The following PPP2R3B variants were observed in gnomAD, a reference collection of about 807,000 sequenced individuals.
PPP2R3B encodes the protein protein phosphatase 2 regulatory subunit B''beta, also known as serine/threonine-protein phosphatase 2A regulatory subunit B'' subunit beta.
PPP2R3B carries 68 observed loss-of-function variants against 72.9 expected under a neutral mutation model. The observed-to-expected ratio is 0.93, with a 90% CI of 0.77 to 1.14. The LOEUF is 1.14. Among genes scored for constraint, PPP2R3B ranks in the 50% most tolerant of loss-of-function variants. PPP2R3B has a pLI of 0.00. For synonymous variants in PPP2R3B, 466 were observed against 375.8 expected (o/e 1.24, Z -2.78); for missense variants, 1,018 against 842.0 (o/e 1.21, Z -2.59).
Position 338,834 on chromosome X carries a change from A to AG in PPP2R3B, c.1413dup (p.Phe472LeufsTer22). 6.2e-7 allele frequency: 1 copy of AG among 1,612,356 alleles called. No individual in the cohort carries two copies. The highest frequency in any genetic ancestry group is 8.5e-7 in the Non-Finnish European group (1 of 1,179,626). On this transcript the variant is annotated frameshift_variant, in exon 11 of 13. Transcript: ENST00000390665. LOFTEE classifies it high-confidence loss of function. The stretch of plus-strand genomic sequence containing the variant: ...TGGTCGAGGTACTTCTCGATGTTGA[A>AG]GAAGGTGTCGAAGAAGACGTTAGCC...
chrX:369,788 G>T (rs2071816077), intron 1 of PPP2R3B, among the ~76,000 whole-genome samples: 1 of 152,228 alleles, frequency 6.6e-6, no homozygotes, highest in Admixed American at 6.5e-5. Context: ...GAGCAGCAGG[G>T]GGCCGGCGGA....
At chrX:340,380 G>A (rs1169789524) in intron 10 of PPP2R3B, among the ~76,000 whole-genome samples, 1 of 151,794 alleles carries the variant, frequency 6.6e-6, no homozygotes, top group African/African-American at 2.4e-5. Flanking sequence ...CTAGGCACCT[G>A]TGGTGCTGGC....
intron 2 of PPP2R3B, among the ~76,000 whole-genome samples, chrX:349,980 G>T (rs1367914975): frequency 6.6e-6 from 1 of 152,136 alleles, no homozygotes; most frequent in Admixed American, 6.5e-5. Flanking sequence ...TGCACCGAGG[G>T]CCTGTTGTTT....
chrX:383,858 A>AC (rs2072182710), intron 1 of PPP2R3B, among the ~76,000 whole-genome samples: 1 of 149,038 alleles, frequency 6.7e-6, no homozygotes, highest in Non-Finnish European at 1.5e-5. Flanking sequence ...AAAAAAAAAA[A>AC]AAAAAAAAAC....
chrX:367,375 T>C (rs1451433238), intron 1 of PPP2R3B, among the ~76,000 whole-genome samples: 1 of 151,252 alleles, frequency 6.6e-6, no homozygotes, highest in East Asian at 1.9e-4. Flanking sequence ...GGTTTGTGAG[T>C]TGGAGGAAAA....
intron 2 of PPP2R3B, among the ~76,000 whole-genome samples, chrX:357,571 A>G (rs1348047401): frequency 1.3e-5 from 2 of 152,250 alleles, no homozygotes; most frequent in African/African-American, 2.4e-5. Context: ...GTGTCTATGT[A>G]TGATGCAGAT....
intron 12 of PPP2R3B, chrX:336,767 A>T (rs6603203): frequency 1.3e-5 from 2 of 151,854 alleles, no homozygotes; most frequent in Non-Finnish European, 2.9e-5. Flanking sequence ...CACCGCTGAC[A>T]ACAGGAAAAC....
chrX:373,064 A>C (rs1010158235), intron 1 of PPP2R3B, among the ~76,000 whole-genome samples: 102 of 152,228 alleles, frequency 6.7e-4, no homozygotes, highest in Non-Finnish European at 1.4e-3. Context: ...TGGGTATTGC[A>C]ATAACGCCGG....
chrX:350,419 G>A (rs1309186516), intron 2 of PPP2R3B, among the ~76,000 whole-genome samples: 6 of 152,202 alleles, frequency 3.9e-5, no homozygotes, highest in Admixed American at 1.3e-4. Flanking sequence ...GTCAGCTACC[G>A]GCACGGTGAA....
chrX:346,210 G>T lies in PPP2R3B; in HGVS notation c.843C>A (p.Ile281=). The T allele has an allele frequency of 6.4e-7, 1 of 1,569,828 alleles. No individual in the cohort carries two copies. The highest frequency in any genetic ancestry group is 8.6e-7 in the Non-Finnish European group (1 of 1,159,508). Residue 281 remains isoleucine, a synonymous_variant, in exon 6 of 13, where the codon ATC becomes ATA. Transcript: ENST00000390665. The part of the protein sequence containing the change: ...YAVNRSWSGR[I]TCAELRRSSF... ...AGCTCCTCCGCAGCTCGGCGCAGGT[G>T]ATCCTGCCGGACCAGGACCGGTTCA... is the stretch of plus-strand genomic sequence containing the variant.
chrX:347,898 G>C, intron 2 of PPP2R3B: 1 of 551,328 alleles, frequency 1.8e-6, no homozygotes, highest in Admixed American at 3.7e-5. Context: ...GAGCGTGGGA[G>C]TGCCGGGCAC....
chrX:364,170 A>G (rs1388016608), intron 1 of PPP2R3B, among the ~76,000 whole-genome samples: 2 of 152,242 alleles, frequency 1.3e-5, no homozygotes, highest in Non-Finnish European at 2.9e-5. Flanking sequence ...CCTCCGGGGA[A>G]GCTCCCAGAA....
Position 353,837 on chromosome X carries a change from C to CGGGGCTCGCCCAGGGACCG in PPP2R3B, c.511-6163_511-6145dup, listed in dbSNP as rs1556162542. Among the ~76,000 whole-genome samples, 432 of 129,344 alleles carry CGGGGCTCGCCCAGGGACCG rather than the reference C, an allele frequency of 3.3e-3. 11 individuals carry two copies. Among genetic ancestry groups the CGGGGCTCGCCCAGGGACCG allele is most frequent in the Non-Finnish European group, 5.4e-3 (324 of 60,072 alleles). 84.9% of individuals were successfully genotyped at this position (129,344 alleles called of 152,430 possible). A position where few individuals can be genotyped will look rare whatever the true frequency, so the allele number is the denominator to read the frequency against. Reference sequence around the variant, plus strand: ...AAGGAGCAGGGGCTCGCCCAAAGACCGGGGCTCGCCCAGGGACCGGGGGCT... The same window carrying CGGGGCTCGCCCAGGGACCG: ...AAGGAGCAGGGGCTCGCCCAAAGACCGGGGCTCGCCCAGGGACCGGGGGCTCGCCCAGGGACCGGGGGCT... On this transcript the variant is annotated intron_variant, in intron 2 of 12. Transcript: ENST00000390665.
chrX:341,251 A>G, intron 9 of PPP2R3B, 56 bp downstream of exon 9: 2 of 1,587,938 alleles, frequency 1.3e-6, no homozygotes, highest in South Asian at 1.1e-5. Flanking sequence ...CACATGTCAC[A>G]TGGGCGGCTC....
At position 386,730 on chromosome X, in the gene PPP2R3B, C is replaced by T; in HGVS notation, c.-39G>A. The T allele has an allele frequency of 1.7e-6, 2 of 1,183,590 alleles. No individual in the cohort carries two copies. Among genetic ancestry groups the T allele is most frequent in the Non-Finnish European group, 2.1e-6 (2 of 955,758 alleles). 73.3% of individuals were successfully genotyped at this position (1,183,590 alleles called of 1,614,324 possible). ...CCCGCGGCGCCCCCGGACGCCCGCG[C>T]CCCGCCCCGCCCCGGGGGCTTCGGT... On this transcript the variant is annotated 5_prime_UTR_variant, in exon 1 of 13. Transcript: ENST00000390665.
chrX:344,174 CCAACGGGAGGCGGGAGTGAGACCTCAG>C (rs2124613526), intron 7 of PPP2R3B, among the ~76,000 whole-genome samples: 2 of 89,696 alleles, frequency 2.2e-5, no homozygotes, highest in African/African-American at 8.1e-5. Flanking sequence ...GGAGACCTCA[CCAACGGGAGGCGGGAGTGAGACCTCAG>C]CAACGGGAGG....
intron 12 of PPP2R3B, chrX:335,517 A>T (rs1189422674): frequency 6.6e-6 from 1 of 152,076 alleles, no homozygotes; most frequent in African/African-American, 2.4e-5. Context: ...CTGATGGGGG[A>T]GCAGGGGTTA....
At chrX:334,581 G>A (rs955545802) in intron 12 of PPP2R3B, 64 bp from the exon 13 acceptor site, 3 of 1,385,210 alleles carry the variant, frequency 2.2e-6, no homozygotes, top group Non-Finnish European at 2.8e-6. Context: ...CCGTTTTCCG[G>A]GAAACACAGG....
intron 6 of PPP2R3B, among the ~76,000 whole-genome samples, chrX:345,944 C>G (rs1228082898): frequency 6.8e-6 from 1 of 146,714 alleles, no homozygotes; most frequent in African/African-American, 2.5e-5. Context: ...GTGCCCAGTA[C>G]GGCCCCACCC....
Sources: allele counts gnomAD v4.1 joint callset (sites outside exome capture counted in the v4.1 genomes callset), GRCh38; gene constraint gnomAD v4.1.1; transcripts MANE v1.5; gene names NCBI Gene and HGNC (gene_info 2026-07-23, HGNC 2026-07-21).